SESTD1: variants seen among roughly 807,000 people sequenced by gnomAD.
SESTD1 encodes the protein SEC14 and spectrin domain containing 1.
In SESTD1, 43 loss-of-function variants were observed where a neutral mutation model predicts 101.7. That is an observed-to-expected ratio of 0.42 (90% CI 0.33 to 0.55). The LOEUF (loss-of-function observed/expected upper bound fraction) is 0.55, where lower values mean the gene tolerates loss of function less well. SESTD1 is among the 20% of genes least tolerant of loss of function. SESTD1 has a pLI of 0.07. For synonymous variants in SESTD1, 283 were observed against 286.8 expected, an observed-to-expected ratio of 0.99 and a Z score of 0.13; for missense variants, 647 against 815.1, an observed-to-expected ratio of 0.79 and a Z score of 2.51.
chr2:179,133,599 T>G (rs774555687), intron 9 of SESTD1, among the ~76,000 whole-genome samples: 1 of 152,172 alleles, frequency 6.6e-6, no homozygotes, highest in Non-Finnish European at 1.5e-5. Flanking sequence ...TAAGAATAGA[T>G]GTATGGTTAT....
chr2:179,172,070 A>C, intron 5 of SESTD1, 50 bp downstream of exon 5: 1 of 1,221,058 alleles, frequency 8.2e-7, no homozygotes, highest in South Asian at 1.3e-5. Flanking sequence ...TTTCAGTAAA[A>C]TACTATTTTT....
intron 9 of SESTD1, among the ~76,000 whole-genome samples, chr2:179,133,062 A>G (rs538122690): frequency 1.5e-4 from 23 of 152,284 alleles, no homozygotes; most frequent in African/African-American, 5.5e-4. Flanking sequence ...ATCAACCAAC[A>G]TTCAGACCCA....
chr2:179,112,975 T>A, intron 16 of SESTD1, 130 bp from the exon 17 acceptor site: 2 of 1,274,632 alleles, frequency 1.6e-6, no homozygotes, highest in Non-Finnish European at 2.1e-6. Flanking sequence ...TCATACAAAT[T>A]TGGTAGATTA....
chr2:179,224,057 T>G (rs761207586), intron 1 of SESTD1, among the ~76,000 whole-genome samples: 5 of 152,160 alleles, frequency 3.3e-5, no homozygotes, highest in Non-Finnish European at 7.3e-5. Flanking sequence ...TAAAATGATA[T>G]TATTTTGTAT....
At chr2:179,152,795 T>C (rs1307965276) in intron 5 of SESTD1, among the ~76,000 whole-genome samples, 2 of 152,044 alleles carry the variant, frequency 1.3e-5, no homozygotes, top group African/African-American at 4.8e-5. Context: ...GGAAATTAAG[T>C]CTTAAATATT....
intron 1 of SESTD1, among the ~76,000 whole-genome samples, chr2:179,215,389 G>A (rs1169598433): frequency 7.4e-6 from 1 of 134,762 alleles, no homozygotes; most frequent in Non-Finnish European, 1.6e-5. Flanking sequence ...AGAAAATCTA[G>A]AAGAAATGAA....
At chr2:179,170,478 C>T (rs1442357266) in intron 5 of SESTD1, among the ~76,000 whole-genome samples, 1 of 151,956 alleles carries the variant, frequency 6.6e-6, no homozygotes, top group South Asian at 2.1e-4. Flanking sequence ...GCTCTTTGTC[C>T]CCGGTTCCTG....
chr2:179,112,598 G>T, intron 17 of SESTD1, 126 bp downstream of exon 17: 2 of 1,133,780 alleles, frequency 1.8e-6, no homozygotes, highest in Non-Finnish European at 2.4e-6. Flanking sequence ...CTAATTCATC[G>T]TAGGAGTTAA....
chr2:179,209,709 A>G (rs1362147954), intron 1 of SESTD1, among the ~76,000 whole-genome samples: 2 of 134,448 alleles, frequency 1.5e-5, no homozygotes, highest in African/African-American at 2.9e-5. Flanking sequence ...TACAGCAACA[A>G]TGGTGCTAAG....
intron 7 of SESTD1, among the ~76,000 whole-genome samples, chr2:179,148,599 C>T (rs748357760): frequency 3.9e-5 from 6 of 152,220 alleles, no homozygotes; most frequent in Non-Finnish European, 7.4e-5. Context: ...CATTTAAGTG[C>T]TAATGTATTC....
chr2:179,162,319 T>A (rs941524930), intron 5 of SESTD1, among the ~76,000 whole-genome samples: 1 of 152,190 alleles, frequency 6.6e-6, no homozygotes, highest in Non-Finnish European at 1.5e-5. Context: ...ATAAATCCTC[T>A]GGAACAATTT....
At position 179,128,963 on chromosome 2, in the gene SESTD1, T is replaced by C. The variant is rs565317012; in HGVS notation, c.972+3341A>G. Among the ~76,000 whole-genome samples the C allele has an allele frequency of 7.9e-5, 12 of 152,246 alleles. No homozygotes were observed. The East Asian group carries it at 1.2e-3, about 15-fold the overall frequency. On this transcript the variant is annotated intron_variant, in intron 10 of 17. Coordinates refer to ENST00000428443, the MANE Select transcript of SESTD1 (RefSeq NM_178123.5). ...ACATTTAGGACACAAGCAGTCAGGA[T>C]TGACAATGCAATCATGTTGGCAGTG...
At chr2:179,160,072 G>A (rs2045706036) in intron 5 of SESTD1, among the ~76,000 whole-genome samples, 1 of 151,998 alleles carries the variant, frequency 6.6e-6, no homozygotes, top group Non-Finnish European at 1.5e-5. Context: ...GGCCAGGCTG[G>A]TCTTGAACTC....
At chr2:179,170,056 G>C (rs544069065) in intron 5 of SESTD1, among the ~76,000 whole-genome samples, 1 of 150,384 alleles carries the variant, frequency 6.6e-6, no homozygotes, top group African/African-American at 2.4e-5. Flanking sequence ...ATAGATCACA[G>C]ATCTAAATTT....
intron 13 of SESTD1, 151 bp downstream of exon 13, chr2:179,121,619 A>T: frequency 2.0e-6 from 1 of 501,556 alleles, no homozygotes; most frequent in Non-Finnish European, 3.2e-6. Flanking sequence ...GTAAAATTAT[A>T]TACAGTAATT....
At chr2:179,256,811 C>CAAAAAAAA (rs368195849) in intron 1 of SESTD1, among the ~76,000 whole-genome samples, 1 of 76,522 alleles carries the variant, frequency 1.3e-5, no homozygotes, top group South Asian at 4.1e-4. Context: ...GACTCCACCT[C>CAAAAAAAA]AAAAAAAAAA....
In SESTD1 at chr2:179,109,540, G is replaced by A. The variant is rs891821236; in HGVS notation, c.*359C>T. ...ATTTACTAAATCACCTGTGGAGGAA[G>A]GGCAACTTTTTTTTTTCTTTTTAAT... is the stretch of plus-strand genomic sequence containing the variant. On this transcript the variant is annotated 3_prime_UTR_variant, in exon 18 of 18. Transcript: ENST00000428443. 7.6e-6 allele frequency: 3 copies of A among 395,116 alleles called. No homozygotes were observed. The highest frequency in any genetic ancestry group is 1.3e-5 in the Non-Finnish European group (3 of 223,926). The allele number at this position is 395,116 out of a possible 1,614,324, so 24.5% of individuals were successfully genotyped here.
chr2:179,237,106 G>T (rs1263894792), intron 1 of SESTD1, among the ~76,000 whole-genome samples: 1 of 151,406 alleles, frequency 6.6e-6, no homozygotes, highest in Admixed American at 6.6e-5. Context: ...CCTTTCTAAG[G>T]GACAAATGAA....
chr2:179,184,926 G>T (rs1182077695), intron 2 of SESTD1, among the ~76,000 whole-genome samples: 1 of 152,054 alleles, frequency 6.6e-6, no homozygotes, highest in Non-Finnish European at 1.5e-5. Flanking sequence ...AGTACCAGAG[G>T]GGTGAAAGCC....
Sources: allele counts gnomAD v4.1 joint callset (sites outside exome capture counted in the v4.1 genomes callset), GRCh38; gene constraint gnomAD v4.1.1; transcripts MANE v1.5; gene names NCBI Gene and HGNC (gene_info 2026-07-23, HGNC 2026-07-21).